PTPN14: variants seen among roughly 807,000 people sequenced by gnomAD.
The protein encoded by PTPN14 is tyrosine-protein phosphatase non-receptor type 14.
Under a neutral mutation model 126.8 loss-of-function variants are expected in PTPN14, and 53 were observed. The observed-to-expected ratio is 0.42, with a 90% CI of 0.34 to 0.53. The LOEUF is 0.53. Among genes scored for constraint, PTPN14 ranks in the 20% least tolerant of loss-of-function variants. PTPN14 has a pLI of 0.08. For missense variants in PTPN14, 1,257 were observed against 1,552.9 expected (o/e 0.81, Z 3.20); for synonymous variants, 630 against 599.3 (o/e 1.05, Z -0.75).
intron 17 of PTPN14, among the ~76,000 whole-genome samples, chr1:214,368,271 C>T (rs916644643): frequency 6.6e-6 from 1 of 151,456 alleles, no homozygotes; most frequent in African/African-American, 2.4e-5. Context: ...TGCAATGATG[C>T]AATCTTGGTT....
rs527388239 is a variant in PTPN14, at chr1:214,494,488, C to T, written c.-154-29531G>A. Among the ~76,000 whole-genome samples, 4 of 152,274 alleles carry T rather than the reference C, an allele frequency of 2.6e-5. No homozygotes were observed. The South Asian group carries it at 8.3e-4, about 32-fold the overall frequency. ...TGCCATATAAGAATACACTTTAATG[C>T]TTTTTGGTCAAAATAGGAACAAGCC... On this transcript the variant is annotated intron_variant, in intron 1 of 18. Transcript: ENST00000366956.
intron 1 of PTPN14, among the ~76,000 whole-genome samples, chr1:214,537,069 GTTTC>G (rs1655726767): frequency 6.6e-6 from 1 of 152,144 alleles, no homozygotes; most frequent in African/African-American, 2.4e-5. Context: ...TATGCTTCAA[GTTTC>G]TAAAAACAAT....
intron 3 of PTPN14, among the ~76,000 whole-genome samples, chr1:214,449,030 G>A (rs1161867805): frequency 2.1e-4 from 9 of 41,962 alleles, no homozygotes; most frequent in African/African-American, 2.1e-4. Context: ...TTTTTGAGAC[G>A]GAGTCTCACT....
At chr1:214,536,114 G>T (rs1400429832) in intron 1 of PTPN14, among the ~76,000 whole-genome samples, 1 of 141,762 alleles carries the variant, frequency 7.1e-6, no homozygotes, top group African/African-American at 2.6e-5. Context: ...AAAAGGCCAG[G>T]TACAGTAGCT....
At chr1:214,406,198 G>C (rs1454473321) in intron 5 of PTPN14, among the ~76,000 whole-genome samples, 1 of 152,168 alleles carries the variant, frequency 6.6e-6, no homozygotes, top group Non-Finnish European at 1.5e-5. Context: ...ATGTAGCCAA[G>C]GCCGTTGCAG....
Position 214,354,304 on chromosome 1 carries a change from A to G in PTPN14, c.*3618T>C, listed in dbSNP as rs1250650703. 1 of 152,244 alleles carries G rather than the reference A, an allele frequency of 6.6e-6. No homozygotes were observed. Among genetic ancestry groups the G allele is most frequent in the African/African-American group, 2.4e-5 (1 of 41,466 alleles). 9.4% of individuals were successfully genotyped at this position (152,244 alleles called of 1,614,324 possible). A position where few individuals can be genotyped will look rare whatever the true frequency, so the allele number is the denominator to read the frequency against. ...AAGCTTACGATTCAAAATATTCCAC[A>G]TAGGTATTTTTACCTTCCCTGATCT... On this transcript the variant is annotated 3_prime_UTR_variant, in exon 19 of 19. Coordinates refer to ENST00000366956, the MANE Select transcript of PTPN14 (RefSeq NM_005401.5).
In PTPN14 at chr1:214,421,371, C is replaced by T. The variant is rs147692560; in HGVS notation, c.345-6645G>A. Among the ~76,000 whole-genome samples, 272 of 152,214 alleles carry T rather than the reference C, an allele frequency of 1.8e-3. 2 individuals are homozygous for T. The highest frequency in any genetic ancestry group is 1.0e-2 in the South Asian group (48 of 4,820). ...CAAATTCATAGAGACAGAAAATAGA[C>T]GAATGGTTGCCAGAGGTTGAGGGAA... is the stretch of plus-strand genomic sequence containing the variant. On this transcript the variant is annotated intron_variant, in intron 3 of 18. Transcript: ENST00000366956.
intron 7 of PTPN14, among the ~76,000 whole-genome samples, chr1:214,399,862 A>G (rs1658975639): frequency 6.6e-6 from 1 of 152,188 alleles, no homozygotes. Flanking sequence ...ATTAGGTTGT[A>G]CACTTCTGAT....
chr1:214,520,065 A>AAAAAAAAAAAAATATATATATATATAT, intron 1 of PTPN14, among the ~76,000 whole-genome samples: 2 of 71,112 alleles, frequency 2.8e-5, no homozygotes, highest in Admixed American at 1.6e-4. Context: ...AAAAAAAAAA[A>AAAAAAAAAAAAATATATATATATATAT]ATATATATAT....
chr1:214,392,015 A>G (rs1310522802), intron 10 of PTPN14, among the ~76,000 whole-genome samples: 2 of 152,198 alleles, frequency 1.3e-5, no homozygotes, highest in Non-Finnish European at 2.9e-5. Flanking sequence ...AGAAAAATCA[A>G]TAACGATCTT....
chr1:214,400,545 A>G (rs1658991556), intron 7 of PTPN14, among the ~76,000 whole-genome samples: 1 of 152,204 alleles, frequency 6.6e-6, no homozygotes, highest in African/African-American at 2.4e-5. Flanking sequence ...CTCGCAGTCC[A>G]CATTAAAAAA....
intron 15 of PTPN14, among the ~76,000 whole-genome samples, chr1:214,374,731 G>A (rs1658301071): frequency 2.0e-5 from 3 of 152,360 alleles, no homozygotes; most frequent in Admixed American, 1.3e-4. Context: ...TCCACAGGAT[G>A]AAATGTGGGC....
intron 3 of PTPN14, among the ~76,000 whole-genome samples, chr1:214,432,306 A>C (rs1279976222): frequency 6.6e-6 from 1 of 152,194 alleles, no homozygotes; most frequent in East Asian, 1.9e-4. Context: ...CATTTGTTTA[A>C]TGAATAACAA....
intron 13 of PTPN14, among the ~76,000 whole-genome samples, chr1:214,382,810 T>G (rs1658504880): frequency 1.3e-5 from 2 of 152,270 alleles, no homozygotes; most frequent in African/African-American, 4.8e-5. Flanking sequence ...ACTATAATTT[T>G]CTTGAATCTG....
intron 2 of PTPN14, among the ~76,000 whole-genome samples, chr1:214,458,591 G>A (rs80025148): frequency 7.2e-6 from 1 of 138,166 alleles, no homozygotes; most frequent in African/African-American, 2.8e-5. Context: ...CCATTTTACA[G>A]ATAAGAAAAC....
At chr1:214,489,485 T>C (rs1661185154) in intron 1 of PTPN14, among the ~76,000 whole-genome samples, 1 of 152,154 alleles carries the variant, frequency 6.6e-6, no homozygotes, top group Non-Finnish European at 1.5e-5. Context: ...ACTTCCCAAT[T>C]TTCATCCAGT....
intron 17 of PTPN14, among the ~76,000 whole-genome samples, chr1:214,366,818 C>G (rs1298958078): frequency 2.4e-4 from 37 of 151,956 alleles, no homozygotes; most frequent in Non-Finnish European, 4.0e-4. Flanking sequence ...CCCGTCTCTA[C>G]TAAAAATACA....
At chr1:214,494,908 G>C (rs1188255371) in intron 1 of PTPN14, among the ~76,000 whole-genome samples, 1 of 152,098 alleles carries the variant, frequency 6.6e-6, no homozygotes, top group Non-Finnish European at 1.5e-5. Flanking sequence ...GGAAGGAGAT[G>C]CCTGAAAGAC....
intron 3 of PTPN14, among the ~76,000 whole-genome samples, chr1:214,423,650 A>G (rs981306651): frequency 2.0e-5 from 3 of 152,112 alleles, no homozygotes; most frequent in African/African-American, 7.2e-5. Flanking sequence ...TCTCTTAATC[A>G]CTGAAGGCGC....
Sources: gnomAD v4.1 joint callset for allele counts (sites outside exome capture counted in the v4.1 genomes callset) on GRCh38, gnomAD v4.1.1 for gene constraint, MANE v1.5 for transcripts, NCBI Gene and HGNC (gene_info 2026-07-23, HGNC 2026-07-21) for gene names.